CSMD1: variants seen among roughly 807,000 people sequenced by gnomAD.
The protein encoded by CSMD1 is CUB and sushi domain-containing protein 1.
In CSMD1, 213 loss-of-function variants were observed where a neutral mutation model predicts 417.5. That is an observed-to-expected ratio of 0.51 (90% confidence interval 0.46 to 0.57). The LOEUF is 0.57. Among genes scored for constraint, CSMD1 ranks in the 20% least tolerant of loss-of-function variants. The pLI is 0.00. For missense variants in CSMD1, 6,923 were observed against 4,529.7 expected (o/e 1.53, Z -15.17); for synonymous variants, 2,862 against 1,736.8 (o/e 1.65, Z -16.11).
intron 5 of CSMD1, among the ~76,000 whole-genome samples, chr8:3,858,226 A>C (rs1804449921): frequency 6.6e-6 from 1 of 152,318 alleles, no homozygotes; most frequent in South Asian, 2.1e-4. Context: ...TCAAAGTAAA[A>C]GTTATATAAT....
intron 1 of CSMD1, among the ~76,000 whole-genome samples, chr8:4,972,580 C>T (rs1442982405): frequency 1.3e-5 from 2 of 152,134 alleles, no homozygotes; most frequent in African/African-American, 2.4e-5. Context: ...AAATATCTTT[C>T]CTTTCTAAAT....
At chr8:4,131,009 A>G (rs1803069269) in intron 3 of CSMD1, among the ~76,000 whole-genome samples, 2 of 152,170 alleles carry the variant, frequency 1.3e-5, no homozygotes, top group South Asian at 4.1e-4. Context: ...GTTGGAATCT[A>G]GCATTAATGA....
intron 7 of CSMD1, among the ~76,000 whole-genome samples, chr8:3,694,397 C>T (rs1432298766): frequency 6.6e-6 from 1 of 152,180 alleles, no homozygotes; most frequent in Non-Finnish European, 1.5e-5. Flanking sequence ...TGATCAACAG[C>T]TCTGCCTGCT....
At chr8:4,156,132 C>G (rs1253162849) in intron 3 of CSMD1, among the ~76,000 whole-genome samples, 6 of 152,154 alleles carry the variant, frequency 3.9e-5, no homozygotes, top group Non-Finnish European at 5.9e-5. Flanking sequence ...TTAAGAGTCC[C>G]TCTGCCTCAC....
At chr8:4,943,507 ATGAAAT>A (rs1563829619) in intron 1 of CSMD1, among the ~76,000 whole-genome samples, 6 of 40,670 alleles carry the variant, frequency 1.5e-4, no homozygotes, top group Non-Finnish European at 3.1e-4. Context: ...AAAAAATAAA[ATGAAAT>A]AAAATAAAAT....
intron 3 of CSMD1, among the ~76,000 whole-genome samples, chr8:4,093,971 TA>T (rs1800858744): frequency 6.9e-6 from 1 of 144,402 alleles, no homozygotes; most frequent in African/African-American, 2.5e-5. Context: ...CTCAAATAGA[TA>T]GATAGATAGA....
rs187470283 is a variant in CSMD1 at position 4,448,953 on chromosome 8, G to C, written c.303-28888C>G. ...TTCCAGATAAATTACCAGTGTACCT[G>C]TTTCTCTTCTGGATCCTAAGGTACA... On this transcript the variant is annotated intron_variant, in intron 2 of 69. Transcript: ENST00000635120. Among the ~76,000 whole-genome samples, 254 of 152,212 alleles carry C rather than the reference G, an allele frequency of 1.7e-3. 3 individuals carry two copies. Among genetic ancestry groups the C allele is most frequent in the African/African-American group, 6.0e-3 (249 of 41,542 alleles).
At chr8:3,577,591 T>C (rs1246145194) in intron 9 of CSMD1, among the ~76,000 whole-genome samples, 6 of 152,236 alleles carry the variant, frequency 3.9e-5, no homozygotes, top group African/African-American at 1.4e-4. Flanking sequence ...GAACAATTTT[T>C]AGCATTTGAT....
At chr8:4,360,709 G>A (rs1258174072) in intron 3 of CSMD1, among the ~76,000 whole-genome samples, 1 of 152,104 alleles carries the variant, frequency 6.6e-6, no homozygotes. Flanking sequence ...TAGCCAGGAT[G>A]GTCTCCGATC....
At chr8:3,205,023 A>C (rs1219533907) in intron 31 of CSMD1, among the ~76,000 whole-genome samples, 1 of 152,230 alleles carries the variant, frequency 6.6e-6, no homozygotes, top group African/African-American at 2.4e-5. Context: ...TCAGCAGGTG[A>C]AACAGTCAAG....
At chr8:4,283,731 G>A (rs1352361971) in intron 3 of CSMD1, among the ~76,000 whole-genome samples, 6 of 151,898 alleles carry the variant, frequency 4.0e-5, no homozygotes, top group Non-Finnish European at 7.4e-5. Context: ...AACTCCTCAA[G>A]GAATGCATGA....
chr8:3,405,559 T>C (rs1003464662), intron 15 of CSMD1, among the ~76,000 whole-genome samples: 4 of 152,176 alleles, frequency 2.6e-5, no homozygotes, highest in African/African-American at 9.7e-5. Flanking sequence ...GTGACTGTAT[T>C]TGAAGATTGG....
chr8:4,312,541 T>C (rs1167935872), intron 3 of CSMD1, among the ~76,000 whole-genome samples: 1 of 150,994 alleles, frequency 6.6e-6, no homozygotes, highest in African/African-American at 2.5e-5. Flanking sequence ...AATGATGAAA[T>C]TGAAAGGGCT....
intron 3 of CSMD1, among the ~76,000 whole-genome samples, chr8:4,130,856 T>G (rs1300651221): frequency 6.6e-6 from 1 of 151,142 alleles, no homozygotes; most frequent in Non-Finnish European, 1.5e-5. Flanking sequence ...ATATATTATT[T>G]AACTTAGAAA....
chr8:4,365,478 C>T (rs935693524), intron 3 of CSMD1, among the ~76,000 whole-genome samples: 2 of 152,164 alleles, frequency 1.3e-5, no homozygotes, highest in Admixed American at 6.5e-5. Context: ...TTCTCCAAGT[C>T]TACTGGCCTT....
chr8:4,162,809 G>T (rs1163548021), intron 3 of CSMD1, among the ~76,000 whole-genome samples: 1 of 152,052 alleles, frequency 6.6e-6, no homozygotes, highest in Non-Finnish European at 1.5e-5. Context: ...ACATGCTATG[G>T]GTGTGGATAA....
intron 23 of CSMD1, among the ~76,000 whole-genome samples, chr8:3,319,228 A>T (rs933600125): frequency 6.6e-6 from 1 of 152,190 alleles, no homozygotes; most frequent in Non-Finnish European, 1.5e-5. Context: ...AAAAACTACT[A>T]ATTGCTTAAA....
At chr8:3,637,315 T>C (rs1200322985) in intron 7 of CSMD1, among the ~76,000 whole-genome samples, 3 of 152,278 alleles carry the variant, frequency 2.0e-5, no homozygotes, top group East Asian at 3.9e-4. Flanking sequence ...AAACAATCTA[T>C]GTCTAAGATC....
chr8:4,958,831 C>A (rs1233007087), intron 1 of CSMD1, among the ~76,000 whole-genome samples: 4 of 152,058 alleles, frequency 2.6e-5, no homozygotes. Context: ...TGACAAGTGT[C>A]TAAAAAATGC....
Sources: gnomAD v4.1 joint callset for allele counts (sites outside exome capture counted in the v4.1 genomes callset) on GRCh38, gnomAD v4.1.1 for gene constraint, MANE v1.5 for transcripts, NCBI Gene and HGNC (gene_info 2026-07-23, HGNC 2026-07-21) for gene names.